EIF4G3: variants seen among roughly 807,000 people sequenced by gnomAD.
EIF4G3 encodes the protein eukaryotic translation initiation factor 4 gamma 3.
EIF4G3 carries 34 observed loss-of-function variants against 186.4 expected under a neutral mutation model. The ratio of observed to expected loss-of-function variants is 0.18; its 90% CI spans 0.14 to 0.24. The LOEUF is 0.24. Ranked by LOEUF, EIF4G3 falls within the 10% of genes least tolerant of loss-of-function variation. The probability of loss-of-function intolerance (pLI) is 1.00; values close to 1 mark genes in which losing one functional copy is unlikely to be tolerated. For synonymous variants in EIF4G3, 673 were observed against 679.5 expected (o/e 0.99, Z 0.15); for missense variants, 1,536 against 1,948.5 (o/e 0.79, Z 3.99).
chr1:20,851,116 G>T, intron 28 of EIF4G3, 142 bp downstream of exon 28: 1 of 710,732 alleles, frequency 1.4e-6, no homozygotes, highest in Non-Finnish European at 2.3e-6. Context: ...ATAAAACTAT[G>T]AAGTACCCTT....
intron 4 of EIF4G3, chr1:21,003,475 A>C (rs2084159019): frequency 5.6e-6 from 1 of 177,380 alleles, no homozygotes; most frequent in African/African-American, 2.4e-5. Context: ...GCAATCCAAA[A>C]TCTAGGTGTA....
chr1:20,983,814 C>T (rs2078820791), intron 7 of EIF4G3, among the ~76,000 whole-genome samples: 1 of 151,966 alleles, frequency 6.6e-6, no homozygotes, highest in African/African-American at 2.4e-5. Flanking sequence ...TCCTATGTTG[C>T]CTGAAGAAAT....
intron 19 of EIF4G3, among the ~76,000 whole-genome samples, chr1:20,884,530 C>T (rs1173785958): frequency 6.6e-6 from 1 of 152,130 alleles, no homozygotes; most frequent in Admixed American, 6.5e-5. Flanking sequence ...GCCATTTAGG[C>T]CCATTATCAT....
At chr1:20,972,885 A>T (rs76449388) in intron 11 of EIF4G3, 117 bp downstream of exon 11, 2 of 218,118 alleles carry the variant, frequency 9.2e-6, no homozygotes, top group Non-Finnish European at 1.6e-5. Context: ...AGGGAAGAAT[A>T]AAAAAAAAAA....
At chr1:20,897,437 A>C (rs977254992) in intron 16 of EIF4G3, among the ~76,000 whole-genome samples, 1 of 151,774 alleles carries the variant, frequency 6.6e-6, no homozygotes, top group African/African-American at 2.4e-5. Context: ...AAAAGGACAC[A>C]AAACACAGAA....
In EIF4G3 at chr1:20,840,875, T is replaced by G; in HGVS notation, c.4042A>C (p.Lys1348Gln). The change falls in exon 30 of 37, where the codon AAA (lysine) becomes CAA (glutamine). Residue 1348 changes from lysine to glutamine, a missense_variant. This residue lies in a region of EIF4G3 where 395 missense variants were observed against 498.9 expected (regional missense o/e 0.79). Coordinates refer to ENST00000602326, the MANE Select transcript of EIF4G3 (RefSeq NM_001391906.1). ...YQLVQSEKLS[K>Q]QDFFKGFSET... is the part of the protein sequence containing the mutation. ...ACTGACCCTTTGAAAAAGTCCTGTT[T>G]GCTGAGTTTTTCTGACTGTACCAGC... is the stretch of plus-strand genomic sequence containing the variant. 6.2e-7 allele frequency: 1 copy of G among 1,614,164 alleles called. No homozygotes were observed. Among genetic ancestry groups the G allele is most frequent in the Non-Finnish European group, 8.5e-7 (1 of 1,180,016 alleles).
intron 4 of EIF4G3, among the ~76,000 whole-genome samples, chr1:21,016,931 T>C (rs1181767388): frequency 6.6e-6 from 1 of 152,112 alleles, no homozygotes; most frequent in African/African-American, 2.4e-5. Flanking sequence ...ATCACGCCAC[T>C]GCACTCCAGC....
intron 2 of EIF4G3, among the ~76,000 whole-genome samples, chr1:21,141,494 AAAC>A (rs2097338798): frequency 1.3e-5 from 2 of 151,980 alleles, no homozygotes; most frequent in East Asian, 1.9e-4. Context: ...AAAAAAAAAA[AAAC>A]AAGATCCTGC....
At chr1:21,134,037 ATT>A (rs1379224598) in intron 2 of EIF4G3, among the ~76,000 whole-genome samples, 2 of 152,190 alleles carry the variant, frequency 1.3e-5, no homozygotes, top group African/African-American at 2.4e-5. Flanking sequence ...AGCAGACCCT[ATT>A]TAATAAAATC....
At chr1:21,158,976 C>CA (rs916482009) in intron 2 of EIF4G3, among the ~76,000 whole-genome samples, 6 of 142,230 alleles carry the variant, frequency 4.2e-5, no homozygotes, top group Middle Eastern at 3.6e-3. Context: ...ATTTGAGGCA[C>CA]AAAAAAAAGG....
chr1:20,980,410 T>C lies in EIF4G3; in HGVS notation c.417A>G (p.Gln139=), dbSNP rs768925337. 35 of 1,543,952 alleles carry C rather than the reference T, an allele frequency of 2.3e-5. No homozygotes were observed. The South Asian group carries it at 4.1e-4, about 18-fold the overall frequency. ...GCCCCGGTGGTTGAACTGGATATTGTTGGGGGGGCCCAACATAAGGAGGGC... is the reference window on the plus strand; with the variant it reads ...GCCCCGGTGGTTGAACTGGATATTGCTGGGGGGGCCCAACATAAGGAGGGC... ...HSGPPYVGPP[Q]QYPVQPPGPG... is the part of the protein sequence containing the mutation. Residue 139 remains glutamine (Q), a synonymous_variant, in exon 10 of 37, where the codon CAA becomes CAG. Coordinates refer to ENST00000602326, the MANE Select transcript of EIF4G3 (RefSeq NM_001391906.1).
intron 31 of EIF4G3, among the ~76,000 whole-genome samples, chr1:20,828,120 A>G (rs1032249299): frequency 1.3e-5 from 2 of 150,312 alleles, no homozygotes; most frequent in Non-Finnish European, 3.0e-5. Flanking sequence ...GCAATCTCCA[A>G]TTCCCTGGTT....
At chr1:21,081,234 C>T (rs1430116137) in intron 3 of EIF4G3, among the ~76,000 whole-genome samples, 6 of 152,108 alleles carry the variant, frequency 3.9e-5, no homozygotes, top group Non-Finnish European at 7.4e-5. Context: ...AGATCAAGAC[C>T]ATCATGGCCA....
At chr1:20,876,056 C>T (rs1401113943) in intron 20 of EIF4G3, among the ~76,000 whole-genome samples, 1 of 151,242 alleles carries the variant, frequency 6.6e-6, no homozygotes. Context: ...ACCCCAAAAC[C>T]CTACATGTAC....
chr1:21,176,734 T>G lies in EIF4G3; in HGVS notation c.-468A>C, dbSNP rs1402410888. 1 of 693,426 alleles carries G rather than the reference T, an allele frequency of 1.4e-6. No homozygotes were observed. The highest frequency in any genetic ancestry group is 2.6e-6 in the Non-Finnish European group (1 of 381,106). The allele number at this position is 693,426 out of a possible 1,614,324, so 43.0% of individuals were successfully genotyped here. On this transcript the variant is annotated 5_prime_UTR_variant, in exon 1 of 37. Transcript: ENST00000602326. ...GGAGAGACCGGACCTTTCACGGCAA[T>G]ATCCTCATGGGCCGGCGGCGGGGGA...
At chr1:20,815,844 G>T (rs1490911611) in intron 34 of EIF4G3, among the ~76,000 whole-genome samples, 6 of 113,574 alleles carry the variant, frequency 5.3e-5, no homozygotes, top group Non-Finnish European at 1.1e-4. Flanking sequence ...TCAGCCCCCC[G>T]CCCGGCCAGC....
chr1:21,064,466 A>G (rs1053822560), intron 3 of EIF4G3: 1 of 152,242 alleles, frequency 6.6e-6, no homozygotes, highest in East Asian at 1.9e-4. Context: ...ATTATTTAGA[A>G]TATCAACTCA....
chr1:21,000,537 G>A (rs990111184), intron 6 of EIF4G3, among the ~76,000 whole-genome samples: 1 of 150,386 alleles, frequency 6.6e-6, no homozygotes, highest in Non-Finnish European at 1.5e-5. Context: ...AACTTGGGAC[G>A]TAAACAGAAA....
At chr1:21,002,871 C>G (rs2083898181) in intron 4 of EIF4G3, 63 bp from the exon 5 acceptor site, 1 of 939,240 alleles carries the variant, frequency 1.1e-6, no homozygotes. Flanking sequence ...AATTCTAGTT[C>G]AAGATGTTTT....
Sources: gnomAD v4.1 joint callset for allele counts (sites outside exome capture counted in the v4.1 genomes callset) on GRCh38, gnomAD v4.1.1 for gene constraint, gnomAD v4.1.1 regional missense constraint, MANE v1.5 for transcripts, NCBI Gene and HGNC (gene_info 2026-07-23, HGNC 2026-07-21) for gene names.